Variants in PMPCB observed in about 807,000 individuals in gnomAD.
PMPCB encodes mitochondrial-processing peptidase subunit beta.
Under a neutral mutation model 61.5 loss-of-function variants are expected in PMPCB, and 46 were observed. The observed-to-expected ratio is 0.75, with a 90% CI of 0.59 to 0.96. PMPCB has a LOEUF of 0.96. Ranked by LOEUF, PMPCB falls within the 40% of genes least tolerant of loss-of-function variation. The pLI is 0.00. For synonymous variants in PMPCB, 191 were observed against 201.6 expected (o/e 0.95, Z 0.44); for missense variants, 590 against 602.4 (o/e 0.98, Z 0.22).
At chr7:103,337,800 A>AT in the PMPCB span, 1 of 1,613,376 alleles carries the variant, frequency 6.2e-7, no homozygotes, top group Non-Finnish European at 8.5e-7. Context: ...GAACTGCATA[A>AT]TGATCTTGGT....
rs1249244764 is a variant in PMPCB at position 103,304,422 on chromosome 7, G to A, written c.668G>A (p.Arg223His). ...TACTTCATTTACAGATCTATAAGTC[G>A]TAAGGACTTAGTGGATTATATAACC... is the stretch of plus-strand genomic sequence containing the variant. ...GPTENIKSIS[R>H]KDLVDYITTH... The change falls in exon 6 of 13, where the codon CGT becomes CAT. Residue 223 changes from arginine (R) to histidine (H), a missense_variant. Transcript: ENST00000249269. 7.6e-6 allele frequency: 12 copies of A among 1,584,060 alleles called. No homozygotes were observed. The highest frequency in any genetic ancestry group is 2.2e-5 in the East Asian group (1 of 44,688).
At chr7:103,311,217 C>T (rs1817739544) in intron 9 of PMPCB, 1 of 160,056 alleles carries the variant, frequency 6.2e-6, no homozygotes, top group South Asian at 1.9e-4. Flanking sequence ...CTCCACTATT[C>T]TTAATTGGTT....
chr7:103,316,988 T>C (rs780910353), downstream of PMPCB: 5 of 1,613,502 alleles, frequency 3.1e-6, no homozygotes, highest in African/African-American at 4.0e-5. Context: ...CTTTCTCTTT[T>C]CTGATTTGCT....
Position 103,300,231 on chromosome 7 carries a change from T to C in PMPCB, c.381T>C (p.Gly127=). ...LDLELEIENM[G]AHLNAYTSRE... Reference sequence around the variant, plus strand: ...TGGAACTTGAGATTGAAAATATGGGTGCTCATCTCAATGCCTATACCTCCA... The same window carrying C: ...TGGAACTTGAGATTGAAAATATGGGCGCTCATCTCAATGCCTATACCTCCA... The change falls in exon 4 of 13, where the codon GGT becomes GGC. Residue 127 remains glycine (G), a synonymous_variant. Transcript: ENST00000249269. 3 of 1,611,800 alleles carry C rather than the reference T, an allele frequency of 1.9e-6. No individual in the cohort carries two copies. Among genetic ancestry groups the C allele is most frequent in the Non-Finnish European group, 2.5e-6 (3 of 1,178,014 alleles).
rs766012684 is a variant in PMPCB, at chr7:103,312,437, A to G, written c.*166A>G. On this transcript the variant is annotated 3_prime_UTR_variant, in exon 13 of 13. Coordinates refer to ENST00000249269, the MANE Select transcript of PMPCB (RefSeq NM_004279.3). ...TGAAGGTTGTTTTGTATTAATGGTC[A>G]GTCTTTGTTCTCTGAGAAATTATGT... 1.2e-4 allele frequency: 176 copies of G among 1,514,988 alleles called. No individual in the cohort carries two copies. Among genetic ancestry groups the G allele is most frequent in the Non-Finnish European group, 1.5e-4 (170 of 1,140,976 alleles). The allele number at this position is 1,514,988 out of a possible 1,614,324, so 93.8% of individuals were successfully genotyped here. A position where few individuals can be genotyped will look rare whatever the true frequency, so the allele number is the denominator to read the frequency against.
rs1817888256 is a variant in PMPCB at position 103,313,729 on chromosome 7, T to C, written c.*1458T>C. 1 of 985,292 alleles carries C rather than the reference T, an allele frequency of 1.0e-6. No individual in the cohort carries two copies. The highest frequency in any genetic ancestry group is 1.2e-6 in the Non-Finnish European group (1 of 829,880). 61.0% of individuals were successfully genotyped at this position (985,292 alleles called of 1,614,324 possible). Reference sequence around the variant, plus strand: ...TTCCAATAACTGCTATTGTGGTTCTTCAACTAAACCTTGTATATTTCAGAA... The same window carrying C: ...TTCCAATAACTGCTATTGTGGTTCTCCAACTAAACCTTGTATATTTCAGAA... On this transcript the variant is annotated 3_prime_UTR_variant, in exon 13 of 13. Coordinates refer to ENST00000249269, the MANE Select transcript of PMPCB (RefSeq NM_004279.3).
At position 103,329,010 on chromosome 7, in the gene PMPCB, C is replaced by T. The variant is rs566469434; in HGVS notation, c.*1511C>T. The T allele has an allele frequency of 1.7e-5, 22 of 1,272,746 alleles. 1 individual carries two copies. The South Asian group carries it at 2.2e-4, about 13-fold the overall frequency. The allele number at this position is 1,272,746 out of a possible 1,614,324, so 78.8% of individuals were successfully genotyped here. ...AAAGGCAAACTATTTCATACTCCTA[C>T]GTGAACATCCTTTTACCACAGCCTC... On this transcript the variant is annotated 3_prime_UTR_variant and NMD_transcript_variant, in exon 13 of 13. Transcript: ENST00000444457.
chr7:103,340,034 C>T, the PMPCB span, among the ~76,000 whole-genome samples: 1 of 152,158 alleles, frequency 6.6e-6, no homozygotes, highest in Non-Finnish European at 1.5e-5. Flanking sequence ...GATGGGGTTT[C>T]ACCATGTTGG....
the PMPCB span, among the ~76,000 whole-genome samples, chr7:103,335,043 A>G: frequency 6.6e-6 from 1 of 152,130 alleles, no homozygotes; most frequent in Non-Finnish European, 1.5e-5. Flanking sequence ...CATGTTGGCC[A>G]GGCTGGTCTC....
chr7:103,311,339 C>T (rs1817743862), intron 9 of PMPCB: 1 of 359,652 alleles, frequency 2.8e-6, no homozygotes, highest in Non-Finnish European at 5.0e-6. Context: ...TGACTTAACC[C>T]ATAGCATATC....
At position 103,312,093 on chromosome 7, in the gene PMPCB, A is replaced by G; in HGVS notation, c.1367A>G (p.Lys456Arg). The G allele has an allele frequency of 6.2e-7, 1 of 1,614,080 alleles. No homozygotes were observed. Among genetic ancestry groups the G allele is most frequent in the South Asian group, 1.1e-5 (1 of 91,086 alleles). Residue 456 changes from lysine (K) to arginine (R), a missense_variant, in exon 12 of 13, where the codon AAA (lysine) becomes AGA (arginine). Physicochemically the swap from Lys to Arg is conservative, Grantham distance 26. Transcript: ENST00000249269. ...NAETIREVCTKYIYNRSPAIA... is the reference protein window; with the variant it reads ...NAETIREVCTRYIYNRSPAIA... ...GAGACAATTCGAGAAGTATGTACCA[A>G]ATACATTTATAATAGGAGTCCAGCT...
the PMPCB span, among the ~76,000 whole-genome samples, chr7:103,338,841 C>G: frequency 6.6e-6 from 1 of 151,852 alleles, no homozygotes; most frequent in African/African-American, 2.4e-5. Flanking sequence ...ACCTGGGAGG[C>G]GGAGGTTGCA....
downstream of PMPCB, among the ~76,000 whole-genome samples, chr7:103,334,491 A>G (rs888998820): frequency 9.2e-5 from 14 of 151,840 alleles, no homozygotes; most frequent in Non-Finnish European, 1.8e-4. Context: ...CAGGAGAACC[A>G]CTTGAACCCT....
intron 2 of PMPCB, 138 bp from the exon 3 acceptor site, chr7:103,299,305 G>T: frequency 3.3e-6 from 2 of 599,518 alleles, no homozygotes; most frequent in Non-Finnish European, 5.8e-6. Flanking sequence ...TCACAGGAAT[G>T]AACTATCAAT....
downstream of PMPCB, chr7:103,317,085 G>C (rs1392529815): frequency 7.4e-7 from 1 of 1,343,674 alleles, no homozygotes; most frequent in Non-Finnish European, 1.0e-6. Context: ...TTCCTGGCTA[G>C]GGCTTTGTGG....
chr7:103,314,713 C>G (rs534037985), downstream of PMPCB: 134 of 931,450 alleles, frequency 1.4e-4, no homozygotes, highest in African/African-American at 1.6e-4. Flanking sequence ...CTGATTTTTG[C>G]AATGATTTTC....
At chr7:103,307,782 T>C in intron 7 of PMPCB, 74 bp downstream of exon 7, 1 of 798,768 alleles carries the variant, frequency 1.3e-6, no homozygotes, top group Admixed American at 1.9e-5. Flanking sequence ...GTAAACAAAA[T>C]GTGCATATTT....
chr7:103,315,182 TTGA>T (rs1213984109), downstream of PMPCB, among the ~76,000 whole-genome samples: 1 of 151,482 alleles, frequency 6.6e-6, no homozygotes, highest in Non-Finnish European at 1.5e-5. Flanking sequence ...TTTTTTTTTT[TTGA>T]GTCTTACTAT....
intron 8 of PMPCB, among the ~76,000 whole-genome samples, chr7:103,309,833 C>T (rs1318423476): frequency 6.6e-6 from 1 of 152,140 alleles, no homozygotes; most frequent in African/African-American, 2.4e-5. Flanking sequence ...GGTAAAATAA[C>T]AGGGAATCTA....
Sources: allele counts gnomAD v4.1 joint callset (sites outside exome capture counted in the v4.1 genomes callset), GRCh38; gene constraint gnomAD v4.1.1; transcripts MANE v1.5; gene names NCBI Gene and HGNC (gene_info 2026-07-23, HGNC 2026-07-21).